The following LARGE1 variants were observed in gnomAD, a reference collection of about 807,000 sequenced individuals.
LARGE1 encodes the protein xylosyl- and glucuronyltransferase LARGE1.
Under a neutral mutation model 87.6 loss-of-function variants are expected in LARGE1, and 43 were observed. The ratio of observed to expected loss-of-function variants is 0.49; its 90% CI spans 0.38 to 0.63. The LOEUF (loss-of-function observed/expected upper bound fraction) is 0.63. LARGE1 is among the 30% of genes least tolerant of loss of function. The pLI is 0.00. For synonymous variants in LARGE1, 434 were observed against 394.6 expected, an observed-to-expected ratio of 1.10 and a Z score of -1.18; for missense variants, 802 against 1,000.2, an observed-to-expected ratio of 0.80 and a Z score of 2.67.
Position 33,273,857 on chromosome 22 carries a change from C to T in LARGE1, c.*570G>A, listed in dbSNP as rs1928624935. ...TGACTTTGGGGATAAGGAAACCCAT[C>T]AACCCCACCTCCAGGACCCTCTGGT... On this transcript the variant is annotated 3_prime_UTR_variant, in exon 15 of 15. Coordinates refer to ENST00000397394, the MANE Select transcript of LARGE1 (RefSeq NM_133642.5). 1 of 384,538 alleles carries T rather than the reference C, an allele frequency of 2.6e-6. No individual in the cohort carries two copies. Among genetic ancestry groups the T allele is most frequent in the East Asian group, 3.8e-5 (1 of 26,474 alleles). The allele number at this position is 384,538 out of a possible 1,614,324, so 23.8% of individuals were successfully genotyped here.
chr22:33,157,642 G>C (rs1055407902), downstream of LARGE1, among the ~76,000 whole-genome samples: 1 of 152,178 alleles, frequency 6.6e-6, no homozygotes, highest in Admixed American at 6.5e-5. Flanking sequence ...ATGTTGATGA[G>C]TAAAAATACT....
the LARGE1 span, among the ~76,000 whole-genome samples, chr22:33,072,112 C>G: frequency 1.3e-5 from 2 of 152,176 alleles, no homozygotes; most frequent in Non-Finnish European, 2.9e-5. Flanking sequence ...GCAGAACGTA[C>G]TCCTCCCTCA....
chr22:33,205,323 A>G (rs1924621375), intron 11 of LARGE1, among the ~76,000 whole-genome samples: 1 of 152,256 alleles, frequency 6.6e-6, no homozygotes, highest in South Asian at 2.1e-4. Flanking sequence ...GCCACAGGGA[A>G]AGTCTCTTTC....
the LARGE1 span, among the ~76,000 whole-genome samples, chr22:33,136,925 A>C: frequency 7.7e-6 from 1 of 129,878 alleles, no homozygotes; most frequent in African/African-American, 2.7e-5. Context: ...AGAACCACAA[A>C]TATTAAGGTA....
the LARGE1 span, among the ~76,000 whole-genome samples, chr22:33,129,310 T>A: frequency 6.6e-6 from 1 of 152,266 alleles, no homozygotes; most frequent in Non-Finnish European, 1.5e-5. Flanking sequence ...CAGGTTTTTA[T>A]CTTAATTGTA....
At chr22:33,157,743 T>C (rs5754473), downstream of LARGE1, among the ~76,000 whole-genome samples, 70,032 of 151,976 alleles carry the variant, frequency 0.46, 16,297 homozygotes, top group South Asian at 0.69. Context: ...CTCATCGTAG[T>C]TTTAATTTTA....
chr22:33,523,174 T>C (rs1343133277), intron 6 of LARGE1, among the ~76,000 whole-genome samples: 1 of 151,884 alleles, frequency 6.6e-6, no homozygotes, highest in Non-Finnish European at 1.5e-5. Context: ...CCAGATAATT[T>C]TGTATTTTTA....
chr22:33,093,810 T>TTTTC, the LARGE1 span, among the ~76,000 whole-genome samples: 53 of 145,382 alleles, frequency 3.6e-4, 1 homozygote, highest in East Asian at 8.7e-4. Context: ...GATTCTTTTT[T>TTTTC]TTTCTTTCTT....
intron 4 of LARGE1, among the ~76,000 whole-genome samples, chr22:33,610,967 A>G (rs920973935): frequency 3.3e-5 from 5 of 152,230 alleles, no homozygotes; most frequent in African/African-American, 1.2e-4. Context: ...GGCAACTTCC[A>G]TGGGGTGTTA....
chr22:33,794,030 G>T (rs1376233659), intron 1 of LARGE1, among the ~76,000 whole-genome samples: 1 of 152,002 alleles, frequency 6.6e-6, no homozygotes, highest in African/African-American at 2.4e-5. Flanking sequence ...AATGTTGAGG[G>T]GAAAACAGGG....
chr22:33,661,408 T>C (rs1051197170), intron 2 of LARGE1, among the ~76,000 whole-genome samples: 1 of 151,984 alleles, frequency 6.6e-6, no homozygotes, highest in African/African-American at 2.4e-5. Context: ...GAGACGGGGT[T>C]TCACCATGTT....
chr22:33,826,600 C>T (rs548310184), intron 1 of LARGE1, among the ~76,000 whole-genome samples: 12 of 152,230 alleles, frequency 7.9e-5, no homozygotes, highest in Admixed American at 3.3e-4. Context: ...CTCGGCCTCC[C>T]CAAATGCTGA....
intron 1 of LARGE1, among the ~76,000 whole-genome samples, chr22:33,813,275 G>A: frequency 6.6e-6 from 1 of 150,466 alleles, no homozygotes; most frequent in East Asian, 1.9e-4. Context: ...AAAAAAATTA[G>A]TGCCACTCTA....
intron 6 of LARGE1, among the ~76,000 whole-genome samples, chr22:33,502,125 G>A (rs2070470312): frequency 6.6e-6 from 1 of 151,832 alleles, no homozygotes; most frequent in Non-Finnish European, 1.5e-5. Context: ...GAACCCAGGA[G>A]GCGGAGGCTG....
intron 1 of LARGE1, among the ~76,000 whole-genome samples, chr22:33,801,304 T>C (rs755288897): frequency 9.2e-5 from 14 of 152,212 alleles, no homozygotes; most frequent in African/African-American, 1.4e-4. Context: ...TTTTAAGAAA[T>C]TGACAGATGG....
intron 2 of LARGE1, among the ~76,000 whole-genome samples, chr22:33,743,388 T>C (rs976169198): frequency 1.3e-5 from 2 of 152,100 alleles, no homozygotes; most frequent in Non-Finnish European, 2.9e-5. Flanking sequence ...CCCACCGACC[T>C]CTCTGCCAGT....
At chr22:33,313,774 C>A (rs755127158) in intron 11 of LARGE1, among the ~76,000 whole-genome samples, 69 of 152,192 alleles carry the variant, frequency 4.5e-4, no homozygotes, top group Non-Finnish European at 8.2e-4. Flanking sequence ...ATGCCAATCC[C>A]CAGATGACAT....
At chr22:33,136,368 G>C in the LARGE1 span, among the ~76,000 whole-genome samples, 1 of 152,026 alleles carries the variant, frequency 6.6e-6, no homozygotes, top group Non-Finnish European at 1.5e-5. Context: ...CAAGTGAAAG[G>C]GGTTTCCTCT....
intron 7 of LARGE1, among the ~76,000 whole-genome samples, chr22:33,402,670 A>G (rs1031461759): frequency 2.0e-5 from 3 of 152,220 alleles, no homozygotes; most frequent in African/African-American, 7.2e-5. Context: ...AATACTCAGC[A>G]TAGCACAGTG....
Sources: allele counts gnomAD v4.1 joint callset (sites outside exome capture counted in the v4.1 genomes callset), GRCh38; gene constraint gnomAD v4.1.1; transcripts MANE v1.5; gene names NCBI Gene and HGNC (gene_info 2026-07-23, HGNC 2026-07-21).